The following TSPAN12 variants were observed in gnomAD, a reference collection of about 807,000 sequenced individuals.
The protein encoded by TSPAN12 is tetraspanin 12.
A neutral mutation model predicts 39.2 loss-of-function variants in TSPAN12; 19 were observed. That is an observed-to-expected ratio of 0.49 (90% CI 0.34 to 0.71). TSPAN12 has a LOEUF of 0.71. TSPAN12 is among the 30% of genes least tolerant of loss of function. TSPAN12 has a pLI of 0.01. For missense variants in TSPAN12, 314 were observed against 359.9 expected (o/e 0.87, Z 1.03); for synonymous variants, 119 against 124.8 (o/e 0.95, Z 0.31).
intron 4 of TSPAN12, among the ~76,000 whole-genome samples, chr7:120,825,874 C>G (rs1268719436): frequency 6.6e-6 from 1 of 152,144 alleles, no homozygotes; most frequent in Non-Finnish European, 1.5e-5. Context: ...TTCTGAAGGT[C>G]AATCATTCAC....
intron 7 of TSPAN12, among the ~76,000 whole-genome samples, chr7:120,801,853 C>A (rs1352309311): frequency 6.6e-6 from 1 of 151,922 alleles, no homozygotes; most frequent in East Asian, 1.9e-4. Flanking sequence ...CATATGGAAC[C>A]CCAAGAAGAG....
intron 4 of TSPAN12, among the ~76,000 whole-genome samples, chr7:120,828,015 A>T (rs546277293): frequency 6.6e-6 from 1 of 152,204 alleles, no homozygotes; most frequent in Non-Finnish European, 1.5e-5. Flanking sequence ...AACTAAAGAC[A>T]TCTAGATTAA....
At chr7:120,835,489 T>C (rs1033761590) in intron 4 of TSPAN12, among the ~76,000 whole-genome samples, 9 of 152,218 alleles carry the variant, frequency 5.9e-5, no homozygotes, top group Admixed American at 2.6e-4. Context: ...ATATTGGAAC[T>C]AGACTGCCAT....
At position 120,806,604 on chromosome 7, in the gene TSPAN12, A is replaced by T. The variant is rs139774717; in HGVS notation, c.557T>A (p.Phe186Tyr). 2 of 1,613,448 alleles carry T rather than the reference A, an allele frequency of 1.2e-6. No individual in the cohort carries two copies. Among genetic ancestry groups the T allele is most frequent in the African/African-American group, 2.7e-5 (2 of 74,858 alleles). ...WPPDSCCVRE[F>Y]PGCSKQAHQE... ...GTGGGCCTGTTTGGAACATCCTGGGAATTCTCTAACACAGCAGGAATCTGG... is the reference window on the plus strand; with the variant it reads ...GTGGGCCTGTTTGGAACATCCTGGGTATTCTCTAACACAGCAGGAATCTGG... Residue 186 changes from phenylalanine to tyrosine, a missense_variant, in exon 7 of 8, where the codon TTC becomes TAC. Phe to Tyr is a conservative substitution (Grantham distance 22). Coordinates refer to ENST00000222747, the MANE Select transcript of TSPAN12 (RefSeq NM_012338.4).
At chr7:120,856,947 T>G in intron 1 of TSPAN12, 114 bp from the exon 2 acceptor site, 2 of 665,974 alleles carry the variant, frequency 3.0e-6, no homozygotes, top group Non-Finnish European at 2.7e-6. Context: ...CGAGGCCCAG[T>G]GCATTCGAGA....
At chr7:120,832,350 A>G (rs922555105) in intron 4 of TSPAN12, among the ~76,000 whole-genome samples, 4 of 152,104 alleles carry the variant, frequency 2.6e-5, no homozygotes, top group African/African-American at 9.6e-5. Context: ...TTTGATAAAG[A>G]CCTTCACAAT....
chr7:120,788,352 G>C lies in TSPAN12; in HGVS notation c.*240C>G, dbSNP rs980516009. 2 of 539,108 alleles carry C rather than the reference G, an allele frequency of 3.7e-6. No homozygotes were observed. Among genetic ancestry groups the C allele is most frequent in the Non-Finnish European group, 6.6e-6 (2 of 301,542 alleles). 33.4% of individuals were successfully genotyped at this position (539,108 alleles called of 1,614,324 possible). A position where few individuals can be genotyped will look rare whatever the true frequency, so the allele number is the denominator to read the frequency against. ...CTGTGTTCAGTAAAAGTCATACACA[G>C]GCTACACAGTGGGTATGACATCTGT... On this transcript the variant is annotated 3_prime_UTR_variant, in exon 8 of 8. Coordinates refer to ENST00000222747, the MANE Select transcript of TSPAN12 (RefSeq NM_012338.4).
chr7:120,817,868 C>T (rs1794114823), intron 4 of TSPAN12, among the ~76,000 whole-genome samples: 1 of 152,094 alleles, frequency 6.6e-6, no homozygotes, highest in Non-Finnish European at 1.5e-5. Context: ...ACTGAAAGCT[C>T]CACTAAGGGC....
At chr7:120,802,613 A>G (rs975229381) in intron 7 of TSPAN12, among the ~76,000 whole-genome samples, 3 of 152,302 alleles carry the variant, frequency 2.0e-5, no homozygotes, top group East Asian at 3.9e-4. Flanking sequence ...TAGCATTTAG[A>G]AGAGCAAATG....
chr7:120,815,678 A>C (rs371481418), intron 5 of TSPAN12, 51 bp downstream of exon 5: 125 of 1,507,770 alleles, frequency 8.3e-5, no homozygotes, highest in Non-Finnish European at 1.1e-4. Flanking sequence ...TATCTAATTT[A>C]AAAGGCTGAA....
intron 4 of TSPAN12, among the ~76,000 whole-genome samples, chr7:120,837,977 T>C (rs758809708): frequency 6.6e-6 from 1 of 151,582 alleles, no homozygotes; most frequent in Non-Finnish European, 1.5e-5. Flanking sequence ...ACCACTCAAA[T>C]TGTTTAAGTT....
At chr7:120,823,364 A>G (rs1448876440) in intron 4 of TSPAN12, among the ~76,000 whole-genome samples, 1 of 152,148 alleles carries the variant, frequency 6.6e-6, no homozygotes, top group East Asian at 1.9e-4. Context: ...AACTTACACC[A>G]GAAGGAAGTA....
At chr7:120,796,908 C>G (rs529136412) in intron 7 of TSPAN12, among the ~76,000 whole-genome samples, 20 of 152,278 alleles carry the variant, frequency 1.3e-4, no homozygotes, top group African/African-American at 4.8e-4. Flanking sequence ...GTAATCCCAG[C>G]ACTTTGGGAG....
At chr7:120,850,458 G>A (rs1267108154) in intron 2 of TSPAN12, among the ~76,000 whole-genome samples, 1 of 152,198 alleles carries the variant, frequency 6.6e-6, no homozygotes, top group Non-Finnish European at 1.5e-5. Context: ...TTTCTGTGCA[G>A]TCTAACTGCA....
At chr7:120,815,831 T>C in intron 4 of TSPAN12, 28 bp from the exon 5 acceptor site, 2 of 1,593,052 alleles carry the variant, frequency 1.3e-6, no homozygotes, top group Non-Finnish European at 1.7e-6. Flanking sequence ...AGTATGCTGT[T>C]ATAGTATCAG....
At chr7:120,799,432 T>C (rs1014555717) in intron 7 of TSPAN12, among the ~76,000 whole-genome samples, 5 of 138,976 alleles carry the variant, frequency 3.6e-5, no homozygotes, top group African/African-American at 1.1e-4. Flanking sequence ...TTAATTTATT[T>C]ATATATAATT....
At chr7:120,806,766 GT>G in intron 6 of TSPAN12, 74 bp from the exon 7 acceptor site, 3 of 1,590,532 alleles carry the variant, frequency 1.9e-6, no homozygotes, top group Non-Finnish European at 2.6e-6. Context: ...TTAAACATCA[GT>G]TTTTTAAAAT....
At chr7:120,794,014 T>G (rs1793583084) in intron 7 of TSPAN12, among the ~76,000 whole-genome samples, 1 of 152,222 alleles carries the variant, frequency 6.6e-6, no homozygotes, top group Non-Finnish European at 1.5e-5. Context: ...GTCAGAAAGC[T>G]GAGAGGCAAA....
At chr7:120,851,133 T>C (rs889280767) in intron 2 of TSPAN12, among the ~76,000 whole-genome samples, 1 of 152,222 alleles carries the variant, frequency 6.6e-6, no homozygotes, top group African/African-American at 2.4e-5. Flanking sequence ...ATTTAAAATG[T>C]AGTATTTTAA....
Sources: allele counts gnomAD v4.1 joint callset (sites outside exome capture counted in the v4.1 genomes callset), GRCh38; gene constraint gnomAD v4.1.1; transcripts MANE v1.5; gene names NCBI Gene and HGNC (gene_info 2026-07-23, HGNC 2026-07-21).